NRG3: variants seen among roughly 807,000 people sequenced by gnomAD.
NRG3 encodes neuregulin 3.
Under a neutral mutation model 66.9 loss-of-function variants are expected in NRG3, and 31 were observed. The ratio of observed to expected loss-of-function variants is 0.46; its 90% confidence interval spans 0.35 to 0.63. NRG3 has a LOEUF of 0.63. Ranked by LOEUF, NRG3 falls within the 20% of genes least tolerant of loss-of-function variation. The pLI is 0.00. For missense variants in NRG3, 910 were observed against 878.9 expected, an observed-to-expected ratio of 1.04 and a Z score of -0.45; for synonymous variants, 393 against 359.4, an observed-to-expected ratio of 1.09 and a Z score of -1.06.
At chr10:82,233,057 G>C (rs548518437) in intron 1 of NRG3, 3 of 485,894 alleles carry the variant, frequency 6.2e-6, no homozygotes, top group South Asian at 3.1e-5. Flanking sequence ...CTTCAGGCTG[G>C]TCCCTTTCCT....
At chr10:82,694,390 T>G (rs2055205801) in intron 2 of NRG3, among the ~76,000 whole-genome samples, 1 of 152,164 alleles carries the variant, frequency 6.6e-6, no homozygotes, top group Non-Finnish European at 1.5e-5. Context: ...CAGATTATTT[T>G]TTGGCAGTTA....
At position 82,920,525 on chromosome 10, in the gene NRG3, G is replaced by A. The variant is rs758832974; in HGVS notation, c.1055-30944G>A. Among the ~76,000 whole-genome samples, 4 of 152,220 alleles carry A rather than the reference G, an allele frequency of 2.6e-5. No homozygotes were observed. The East Asian group carries it at 5.8e-4, about 22-fold the overall frequency. On this transcript the variant is annotated intron_variant, in intron 4 of 8. Transcript: ENST00000372141. The stretch of plus-strand genomic sequence containing the variant: ...TCACATGCAGATCTTTGCCCTGTCA[G>A]TTGAGAGAGCCTAGAAGCAACGACA...
intron 3 of NRG3, chr10:82,827,027 A>G (rs1161418816): frequency 8.2e-6 from 2 of 242,812 alleles, no homozygotes; most frequent in Non-Finnish European, 1.6e-5. Context: ...GTATATAATA[A>G]CGTGTGTAAA....
At chr10:82,013,039 C>T (rs1442768529) in intron 1 of NRG3, among the ~76,000 whole-genome samples, 3 of 152,244 alleles carry the variant, frequency 2.0e-5, no homozygotes, top group African/African-American at 7.2e-5. Flanking sequence ...CCCACTCTAC[C>T]AGTACCAATT....
intron 1 of NRG3, among the ~76,000 whole-genome samples, chr10:82,286,223 A>T (rs1334966671): frequency 1.3e-5 from 2 of 152,222 alleles, no homozygotes; most frequent in African/African-American, 4.8e-5. Context: ...AAGGAATTTT[A>T]TCCTGAGGGA....
chr10:82,684,253 G>T (rs901812201), intron 2 of NRG3, among the ~76,000 whole-genome samples: 2 of 152,180 alleles, frequency 1.3e-5, no homozygotes, highest in African/African-American at 4.8e-5. Context: ...TAAATTAGAA[G>T]TCTTGATTGC....
chr10:82,053,426 G>T (rs2133157164), intron 1 of NRG3, among the ~76,000 whole-genome samples: 1 of 152,292 alleles, frequency 6.6e-6, no homozygotes, highest in Non-Finnish European at 1.5e-5. Context: ...CCAGCTGGAA[G>T]ATAAGAGCAG....
intron 2 of NRG3, among the ~76,000 whole-genome samples, chr10:82,422,588 G>A (rs2089160752): frequency 6.6e-6 from 1 of 152,114 alleles, no homozygotes; most frequent in South Asian, 2.1e-4. Flanking sequence ...TGCAAGCAGT[G>A]CCTGAAGTGT....
intron 2 of NRG3, among the ~76,000 whole-genome samples, chr10:82,404,426 T>C (rs2087347140): frequency 6.6e-6 from 1 of 152,162 alleles, no homozygotes; most frequent in Admixed American, 6.5e-5. Flanking sequence ...TATTATCCAA[T>C]TTTACAGCCA....
At chr10:82,524,364 G>C (rs1214516058) in intron 2 of NRG3, among the ~76,000 whole-genome samples, 1 of 151,962 alleles carries the variant, frequency 6.6e-6, no homozygotes, top group Non-Finnish European at 1.5e-5. Context: ...GAGATACATA[G>C]TAGGTGCTGA....
chr10:82,397,732 G>C (rs977108229), intron 2 of NRG3, among the ~76,000 whole-genome samples: 3 of 152,108 alleles, frequency 2.0e-5, no homozygotes, highest in African/African-American at 7.2e-5. Context: ...TGGTAAGGAG[G>C]CTAAACCAAT....
intron 3 of NRG3, among the ~76,000 whole-genome samples, chr10:82,854,311 T>C (rs2063704362): frequency 6.6e-6 from 1 of 152,126 alleles, no homozygotes; most frequent in African/African-American, 2.4e-5. Context: ...AGAGGAAGAC[T>C]TGGGAGTTCA....
chr10:81,966,602 C>T (rs2059739277), intron 1 of NRG3, among the ~76,000 whole-genome samples: 1 of 152,046 alleles, frequency 6.6e-6, no homozygotes, highest in Non-Finnish European at 1.5e-5. Flanking sequence ...TGAGTCATTA[C>T]TCCTTTCTAT....
intron 1 of NRG3, among the ~76,000 whole-genome samples, chr10:82,035,495 A>G (rs145569396): frequency 2.0e-5 from 3 of 152,222 alleles, no homozygotes; most frequent in Non-Finnish European, 2.9e-5. Context: ...GCTATGATAA[A>G]CTGTAGCCTA....
chr10:82,531,037 A>G (rs1303574747), intron 2 of NRG3, among the ~76,000 whole-genome samples: 2 of 151,902 alleles, frequency 1.3e-5, no homozygotes, highest in African/African-American at 2.4e-5. Context: ...AAACATTTGC[A>G]TGTTTCAATA....
At chr10:82,388,876 G>A (rs1012770266) in intron 2 of NRG3, among the ~76,000 whole-genome samples, 1 of 152,138 alleles carries the variant, frequency 6.6e-6, no homozygotes, top group African/African-American at 2.4e-5. Context: ...GCTGGAGTGT[G>A]TTAAAATAAA....
At chr10:82,603,292 C>G (rs2047749404) in intron 2 of NRG3, among the ~76,000 whole-genome samples, 1 of 152,156 alleles carries the variant, frequency 6.6e-6, no homozygotes, top group Non-Finnish European at 1.5e-5. Flanking sequence ...ATTTATGTAA[C>G]TGACCCCAAA....
At position 82,499,704 on chromosome 10, in the gene NRG3, T is replaced by C. The variant is rs185694891; in HGVS notation, c.953+140836T>C. On this transcript the variant is annotated intron_variant, in intron 2 of 8. Coordinates refer to ENST00000372141, the MANE Select transcript of NRG3 (RefSeq NM_001010848.4). ...GAATATGTGTGAATTGAATGATATA[T>C]CTTTAAAATATTTATTGGTTAGGTA... Among the ~76,000 whole-genome samples, 340 of 152,282 alleles carry C rather than the reference T, an allele frequency of 2.2e-3. 1 individual carries two copies. Among genetic ancestry groups the C allele is most frequent in the African/African-American group, 6.6e-3 (275 of 41,566 alleles).
intron 2 of NRG3, among the ~76,000 whole-genome samples, chr10:82,509,393 A>G (rs1844968680): frequency 6.6e-6 from 1 of 152,180 alleles, no homozygotes; most frequent in Non-Finnish European, 1.5e-5. Flanking sequence ...ATCTAGGTCT[A>G]CATTTTCTGA....
Sources: allele counts gnomAD v4.1 joint callset (sites outside exome capture counted in the v4.1 genomes callset), GRCh38; gene constraint gnomAD v4.1.1; transcripts MANE v1.5; gene names NCBI Gene and HGNC (gene_info 2026-07-23, HGNC 2026-07-21).